The following ATXN7L1 variants were observed in gnomAD, a reference collection of about 807,000 sequenced individuals.
ATXN7L1 encodes the protein ataxin 7 like 1.
A neutral mutation model predicts 70.8 loss-of-function variants in ATXN7L1; 15 were observed. The ratio of observed to expected loss-of-function variants is 0.21; its 90% CI spans 0.14 to 0.33. ATXN7L1 has a LOEUF of 0.33. Among genes scored for constraint, ATXN7L1 ranks in the 10% least tolerant of loss-of-function variants. The pLI, the probability that ATXN7L1 is intolerant of heterozygous loss-of-function variation, is 1.00. For missense variants in ATXN7L1, 975 were observed against 1,097.1 expected, an observed-to-expected ratio of 0.89 and a Z score of 1.57; for synonymous variants, 440 against 445.1, an observed-to-expected ratio of 0.99 and a Z score of 0.14.
intron 4 of ATXN7L1, among the ~76,000 whole-genome samples, chr7:105,662,462 G>A (rs1801865136): frequency 2.6e-5 from 4 of 152,170 alleles, no homozygotes; most frequent in Admixed American, 2.6e-4. Flanking sequence ...CAGGTCTTAA[G>A]AAGTGTGTGT....
chr7:105,622,881 G>A (rs1795137500), intron 8 of ATXN7L1, among the ~76,000 whole-genome samples: 1 of 152,172 alleles, frequency 6.6e-6, no homozygotes, highest in Non-Finnish European at 1.5e-5. Context: ...AGCAGCTGAC[G>A]TACAGGGACC....
At chr7:105,717,043 A>AT (rs1794648497) in intron 3 of ATXN7L1, among the ~76,000 whole-genome samples, 1 of 152,162 alleles carries the variant, frequency 6.6e-6, no homozygotes, top group African/African-American at 2.4e-5. Context: ...TATGTACATA[A>AT]TTTTTTAAAA....
intron 3 of ATXN7L1, among the ~76,000 whole-genome samples, chr7:105,769,859 G>T (rs2116435605): frequency 6.6e-6 from 1 of 152,254 alleles, no homozygotes; most frequent in East Asian, 1.9e-4. Flanking sequence ...ACAGAATCAT[G>T]CCCCTTCCAT....
chr7:105,803,724 G>C (rs549606983), intron 2 of ATXN7L1, among the ~76,000 whole-genome samples: 3 of 152,302 alleles, frequency 2.0e-5, no homozygotes, highest in Non-Finnish European at 4.4e-5. Context: ...AAGTTTTCCA[G>C]GTAACTTTGA....
At chr7:105,644,738 T>C (rs998951253) in intron 4 of ATXN7L1, among the ~76,000 whole-genome samples, 19 of 152,374 alleles carry the variant, frequency 1.2e-4, no homozygotes, top group African/African-American at 4.6e-4. Flanking sequence ...AGCAATGTGA[T>C]ACAGAATTCT....
At chr7:105,868,129 A>G (rs919869153) in intron 2 of ATXN7L1, among the ~76,000 whole-genome samples, 3 of 152,192 alleles carry the variant, frequency 2.0e-5, no homozygotes, top group Admixed American at 2.0e-4. Context: ...CCAGCTCTAC[A>G]CATGGGTAAC....
intron 3 of ATXN7L1, among the ~76,000 whole-genome samples, chr7:105,670,884 A>T (rs1406579693): frequency 6.6e-6 from 1 of 152,096 alleles, no homozygotes; most frequent in East Asian, 1.9e-4. Flanking sequence ...AGGCGGATGG[A>T]TCACGAGGTC....
chr7:105,634,577 A>T (rs1797091470), intron 7 of ATXN7L1, among the ~76,000 whole-genome samples: 2 of 152,098 alleles, frequency 1.3e-5, no homozygotes, highest in African/African-American at 4.8e-5. Flanking sequence ...GCTGCTGTTG[A>T]ATTCCTGGGC....
At chr7:105,633,125 A>G (rs1796849800) in intron 7 of ATXN7L1, among the ~76,000 whole-genome samples, 1 of 152,206 alleles carries the variant, frequency 6.6e-6, no homozygotes, top group Non-Finnish European at 1.5e-5. Flanking sequence ...TTTTCAATCC[A>G]GTTATATACT....
intron 3 of ATXN7L1, among the ~76,000 whole-genome samples, chr7:105,697,116 A>T (rs1791820187): frequency 6.6e-6 from 1 of 152,080 alleles, no homozygotes; most frequent in Admixed American, 6.5e-5. Context: ...ACCGAGGCAA[A>T]ATTAAAATTG....
chr7:105,625,238 A>G (rs1795523297), intron 7 of ATXN7L1, among the ~76,000 whole-genome samples: 3 of 152,066 alleles, frequency 2.0e-5, no homozygotes, highest in Admixed American at 2.0e-4. Context: ...TGAGTGTTTC[A>G]ATTTACATTT....
chr7:105,832,249 G>A (rs1358893160), intron 2 of ATXN7L1, among the ~76,000 whole-genome samples: 1 of 152,124 alleles, frequency 6.6e-6, no homozygotes, highest in Non-Finnish European at 1.5e-5. Context: ...CAAAGTATTT[G>A]CATTTGGGGA....
chr7:105,622,902 A>G (rs1795142184), intron 8 of ATXN7L1, among the ~76,000 whole-genome samples: 1 of 152,194 alleles, frequency 6.6e-6, no homozygotes. Context: ...ATGCGTGAAA[A>G]GTAGAGGGAA....
chr7:105,639,476 AAG>A lies in ATXN7L1; in HGVS notation c.945+9_945+10del. ...GAGAGCAGGAAGTATTTTTTATGGA[AAG>A]AGAAATACCTTGCAGGTGAGGGATC... On this transcript the variant is annotated intron_variant, in intron 6 of 11. Coordinates refer to ENST00000419735, the MANE Select transcript of ATXN7L1 (RefSeq NM_020725.2). 6.5e-7 allele frequency: 1 copy of A among 1,545,366 alleles called. No individual in the cohort carries two copies. Among genetic ancestry groups the A allele is most frequent in the East Asian group, 2.4e-5 (1 of 40,880 alleles).
intron 9 of ATXN7L1, among the ~76,000 whole-genome samples, chr7:105,617,012 T>C (rs1172253391): frequency 2.6e-5 from 4 of 152,206 alleles, no homozygotes; most frequent in African/African-American, 9.7e-5. Context: ...TCAATGACTT[T>C]GAATGGGATC....
chr7:105,844,134 G>A (rs1813623409), intron 2 of ATXN7L1, among the ~76,000 whole-genome samples: 1 of 152,164 alleles, frequency 6.6e-6, no homozygotes, highest in Non-Finnish European at 1.5e-5. Context: ...CATCCTGACA[G>A]TGAGTTTTCA....
chr7:105,813,066 C>T (rs1274529279), intron 2 of ATXN7L1, among the ~76,000 whole-genome samples: 1 of 152,220 alleles, frequency 6.6e-6, no homozygotes, highest in Admixed American at 6.5e-5. Context: ...AAGATCCTTG[C>T]TCTGACTTCT....
chr7:105,874,979 A>T (rs1305948743), intron 2 of ATXN7L1: 1 of 152,288 alleles, frequency 6.6e-6, no homozygotes, highest in African/African-American at 2.4e-5. Context: ...TTTATAAGAC[A>T]TCAGTTAGTG....
chr7:105,757,533 CTT>C (rs555519646), intron 3 of ATXN7L1, among the ~76,000 whole-genome samples: 9 of 92,366 alleles, frequency 9.7e-5, no homozygotes, highest in Non-Finnish European at 7.0e-5. Flanking sequence ...CATTCAAAAG[CTT>C]TTTTTTTTTT....
Sources: allele counts gnomAD v4.1 joint callset (sites outside exome capture counted in the v4.1 genomes callset), GRCh38; gene constraint gnomAD v4.1.1; transcripts MANE v1.5; gene names NCBI Gene and HGNC (gene_info 2026-07-23, HGNC 2026-07-21).